The following SGCD variants were observed in gnomAD, a reference collection of about 807,000 sequenced individuals.
The protein encoded by SGCD is sarcoglycan delta.
In SGCD, 18 loss-of-function variants were observed where a neutral mutation model predicts 36.6. The ratio of observed to expected loss-of-function variants is 0.49; its 90% confidence interval spans 0.34 to 0.73. The LOEUF is 0.73. Ranked by LOEUF, SGCD falls within the 30% of genes least tolerant of loss-of-function variation. The pLI is 0.01. For synonymous variants in SGCD, 133 were observed against 130.6 expected, an observed-to-expected ratio of 1.02 and a Z score of -0.12; for missense variants, 387 against 346.7, an observed-to-expected ratio of 1.12 and a Z score of -0.92.
chr5:155,947,691 A>C (rs180699171), intron 1 of SGCD, among the ~76,000 whole-genome samples: 1 of 152,244 alleles, frequency 6.6e-6, no homozygotes, highest in East Asian at 1.9e-4. Context: ...AGGTAAGTTA[A>C]AGAACAAGCA....
chr5:155,945,095 G>A (rs1757411523), intron 1 of SGCD, among the ~76,000 whole-genome samples: 1 of 152,236 alleles, frequency 6.6e-6, no homozygotes, highest in South Asian at 2.1e-4. Context: ...ATTTCCACTT[G>A]TTTTCAAGAA....
chr5:156,622,379 G>T (rs1762282016), intron 6 of SGCD, among the ~76,000 whole-genome samples: 1 of 151,024 alleles, frequency 6.6e-6, no homozygotes, highest in Admixed American at 6.6e-5. Context: ...GTTGCAGTGA[G>T]CCGAGATGGC....
intron 4 of SGCD, among the ~76,000 whole-genome samples, chr5:156,511,177 G>T (rs1369676650): frequency 6.6e-6 from 1 of 152,016 alleles, no homozygotes; most frequent in Non-Finnish European, 1.5e-5. Flanking sequence ...TTCAAAAATA[G>T]TAAAGTTTTA....
At chr5:156,540,551 C>T (rs149051827) in intron 4 of SGCD, among the ~76,000 whole-genome samples, 343 of 152,256 alleles carry the variant, frequency 2.3e-3, no homozygotes, top group African/African-American at 8.1e-3. Context: ...ACCTGTTCCT[C>T]CCTGAATATT....
At chr5:156,130,149 T>A (rs980747739) in intron 3 of SGCD, among the ~76,000 whole-genome samples, 8 of 152,220 alleles carry the variant, frequency 5.3e-5, no homozygotes, top group African/African-American at 1.7e-4. Context: ...CTCACCAGCA[T>A]CTGTAATTTT....
chr5:156,178,766 A>G (rs1365497817), intron 3 of SGCD, among the ~76,000 whole-genome samples: 12 of 152,078 alleles, frequency 7.9e-5, no homozygotes, highest in Admixed American at 7.2e-4. Flanking sequence ...AGTAGAGACA[A>G]GGTTGGCCAG....
chr5:155,913,207 G>A (rs1756666546), intron 1 of SGCD, among the ~76,000 whole-genome samples: 1 of 152,138 alleles, frequency 6.6e-6, no homozygotes, highest in African/African-American at 2.4e-5. Context: ...GAGATGAGAT[G>A]GGTACAGACT....
At chr5:156,522,812 G>C (rs992280874) in intron 4 of SGCD, among the ~76,000 whole-genome samples, 2 of 150,442 alleles carry the variant, frequency 1.3e-5, no homozygotes, top group Non-Finnish European at 2.9e-5. Flanking sequence ...TGTAAATGTT[G>C]GTTCTTATTA....
chr5:156,029,100 T>C (rs1184045862), intron 1 of SGCD, among the ~76,000 whole-genome samples: 1 of 152,110 alleles, frequency 6.6e-6, no homozygotes, highest in African/African-American at 2.4e-5. Flanking sequence ...ATCATCTGCT[T>C]TGAATTTGAA....
intron 4 of SGCD, among the ~76,000 whole-genome samples, chr5:156,556,783 A>G (rs1211189812): frequency 6.6e-6 from 1 of 152,206 alleles, no homozygotes; most frequent in Non-Finnish European, 1.5e-5. Context: ...TTGATGGACA[A>G]CTATGTAAAT....
chr5:155,922,657 G>A (rs1349878905), intron 1 of SGCD, among the ~76,000 whole-genome samples: 1 of 152,170 alleles, frequency 6.6e-6, no homozygotes, highest in Non-Finnish European at 1.5e-5. Context: ...GAGTTTCTGT[G>A]TGTGTGGGTA....
chr5:156,034,062 C>T (rs1327002711), intron 1 of SGCD, among the ~76,000 whole-genome samples: 2 of 152,066 alleles, frequency 1.3e-5, no homozygotes, highest in East Asian at 3.9e-4. Context: ...TTAGGTATGC[C>T]CTGCCAATTT....
intron 3 of SGCD, among the ~76,000 whole-genome samples, chr5:156,305,978 C>T (rs930922111): frequency 6.6e-6 from 1 of 152,176 alleles, no homozygotes; most frequent in Admixed American, 6.5e-5. Context: ...GCCTGTACCC[C>T]CATTGTATCT....
Position 156,487,813 on chromosome 5 carries a change from A to AAAAAAAAAAAAAAAG in SGCD, c.193-20785_193-20784insAAAAAAAAAAAGAAA, listed in dbSNP as rs1554107842. ...CAAAAAAAAAAAAAAAAAAAAAAAAAAAAGAAAGAAAGAAAAAGCTTAACA... is the reference window on the plus strand; with the variant it reads ...CAAAAAAAAAAAAAAAAAAAAAAAAAAAAAAAAAAAAAAAGAAAGAAAGAAAGAAAAAGCTTAACA... On this transcript the variant is annotated intron_variant, in intron 3 of 8. Transcript: ENST00000337851. Among the ~76,000 whole-genome samples, 37 of 77,808 alleles carry AAAAAAAAAAAAAAAG rather than the reference A, an allele frequency of 4.8e-4. 5 individuals carry two copies. Among genetic ancestry groups the AAAAAAAAAAAAAAAG allele is most frequent in the East Asian group, 3.5e-3 (8 of 2,284 alleles). 51.0% of individuals were successfully genotyped at this position (77,808 alleles called of 152,430 possible).
intron 2 of SGCD, among the ~76,000 whole-genome samples, chr5:156,333,783 A>ATTT (rs70984404): frequency 1.5e-4 from 3 of 19,966 alleles, no homozygotes; most frequent in African/African-American, 1.9e-4. Context: ...TAGAAAAGTG[A>ATTT]TTTTTTTTTT....
At chr5:156,348,311 A>T (rs1769053391) in intron 3 of SGCD, among the ~76,000 whole-genome samples, 2 of 152,166 alleles carry the variant, frequency 1.3e-5, no homozygotes, top group African/African-American at 2.4e-5. Flanking sequence ...AGAGGAAGTC[A>T]AACTGTCTCT....
the SGCD span, among the ~76,000 whole-genome samples, chr5:155,814,865 C>T: frequency 2.0e-5 from 3 of 152,106 alleles, no homozygotes; most frequent in Admixed American, 1.3e-4. Flanking sequence ...AGAATGATTT[C>T]TAATGTAAAT....
At chr5:156,083,228 C>A (rs1761005943) in intron 1 of SGCD, among the ~76,000 whole-genome samples, 2 of 151,660 alleles carry the variant, frequency 1.3e-5, no homozygotes, top group Admixed American at 6.6e-5. Context: ...TCTTTTCATC[C>A]TCTTTGCTTG....
chr5:155,847,012 T>C, the SGCD span, among the ~76,000 whole-genome samples: 1 of 152,208 alleles, frequency 6.6e-6, no homozygotes. Context: ...TATATGATTA[T>C]CGAGATGTGG....
Sources: allele counts gnomAD v4.1 joint callset (sites outside exome capture counted in the v4.1 genomes callset), GRCh38; gene constraint gnomAD v4.1.1; transcripts MANE v1.5; gene names NCBI Gene and HGNC (gene_info 2026-07-23, HGNC 2026-07-21).